The following LSAMP variants were observed in gnomAD, a reference collection of about 807,000 sequenced individuals.
LSAMP encodes the protein limbic system associated membrane protein.
A neutral mutation model predicts 38.6 loss-of-function variants in LSAMP; 7 were observed. The observed-to-expected ratio is 0.18, with a 90% confidence interval of 0.10 to 0.34. The LOEUF (loss-of-function observed/expected upper bound fraction) is 0.34, where lower values mean the gene tolerates loss of function less well. Ranked by LOEUF, LSAMP falls within the 10% of genes least tolerant of loss-of-function variation. LSAMP has a pLI of 1.00. For missense variants in LSAMP, 313 were observed against 420.0 expected (o/e 0.75, Z 2.23); for synonymous variants, 154 against 166.8 (o/e 0.92, Z 0.59).
chr3:116,198,772 G>GAAAA (rs71141858), intron 1 of LSAMP, among the ~76,000 whole-genome samples: 2 of 103,228 alleles, frequency 1.9e-5, no homozygotes. Flanking sequence ...CTCCGTCTCA[G>GAAAA]AAAAAAAAAG....
At chr3:115,888,214 A>T (rs1030510281) in intron 3 of LSAMP, among the ~76,000 whole-genome samples, 2 of 151,998 alleles carry the variant, frequency 1.3e-5, no homozygotes, top group Non-Finnish European at 2.9e-5. Context: ...CTCATAAACC[A>T]TGAAATACCA....
chr3:116,241,126 A>G (rs1290671103), intron 1 of LSAMP, among the ~76,000 whole-genome samples: 1 of 151,754 alleles, frequency 6.6e-6, no homozygotes, highest in African/African-American at 2.4e-5. Flanking sequence ...TTGGTGAGCC[A>G]AGATCGCACC....
intron 3 of LSAMP, among the ~76,000 whole-genome samples, chr3:115,908,778 G>T (rs957233961): frequency 6.6e-6 from 1 of 152,122 alleles, no homozygotes; most frequent in African/African-American, 2.4e-5. Context: ...TAAAGTATAG[G>T]TGTCAGAGAC....
At chr3:116,012,208 G>A (rs1264393450) in intron 3 of LSAMP, among the ~76,000 whole-genome samples, 2 of 152,056 alleles carry the variant, frequency 1.3e-5, no homozygotes, top group African/African-American at 4.8e-5. Flanking sequence ...CAACTCCATG[G>A]TCACTTTGAT....
At position 115,810,077 on chromosome 3, in the gene LSAMP, G is replaced by A; in HGVS notation, c.*240C>T. 1 of 471,092 alleles carries A rather than the reference G, an allele frequency of 2.1e-6. No individual in the cohort carries two copies. Among genetic ancestry groups the A allele is most frequent in the Non-Finnish European group, 3.8e-6 (1 of 263,494 alleles). The allele number at this position is 471,092 out of a possible 1,614,324, so 29.2% of individuals were successfully genotyped here. A position where few individuals can be genotyped will look rare whatever the true frequency, so the allele number is the denominator to read the frequency against. On this transcript the variant is annotated 3_prime_UTR_variant, in exon 7 of 7. Transcript: ENST00000490035. The stretch of plus-strand genomic sequence containing the variant: ...GCTTAGTAGATATAAACATATCCCA[G>A]TAGAACCTTCTCCATCCTGAATGAT...
intron 4 of LSAMP, among the ~76,000 whole-genome samples, chr3:115,851,952 C>A (rs1233435429): frequency 1.3e-5 from 2 of 152,172 alleles, no homozygotes; most frequent in African/African-American, 2.4e-5. Flanking sequence ...TACTTTGGGA[C>A]AAATAGGTAA....
At chr3:116,152,084 G>A (rs913133020) in intron 1 of LSAMP, among the ~76,000 whole-genome samples, 8 of 152,036 alleles carry the variant, frequency 5.3e-5, no homozygotes, top group African/African-American at 1.9e-4. Flanking sequence ...GTACTAAGAT[G>A]GTTTTGTTTC....
chr3:116,267,643 C>T (rs891764104), intron 1 of LSAMP, among the ~76,000 whole-genome samples: 3 of 150,816 alleles, frequency 2.0e-5, no homozygotes, highest in Non-Finnish European at 4.4e-5. Flanking sequence ...ACTGGAGCAG[C>T]CACAACCTCA....
chr3:116,151,308 A>T (rs1709603506), intron 1 of LSAMP, among the ~76,000 whole-genome samples: 1 of 152,040 alleles, frequency 6.6e-6, no homozygotes, highest in Admixed American at 6.6e-5. Context: ...AGTCATGGAA[A>T]GGACATAGTA....
intron 1 of LSAMP, among the ~76,000 whole-genome samples, chr3:116,096,737 CCT>C (rs1204112438): frequency 6.6e-6 from 1 of 152,132 alleles, no homozygotes; most frequent in African/African-American, 2.4e-5. Context: ...TTTGTGATCC[CCT>C]GAGATCTGCT....
chr3:115,983,772 C>T (rs939613589), intron 3 of LSAMP, among the ~76,000 whole-genome samples: 5 of 152,188 alleles, frequency 3.3e-5, no homozygotes, highest in Non-Finnish European at 5.9e-5. Flanking sequence ...ATGATTAACA[C>T]GATATGGCTC....
intron 6 of LSAMP, among the ~76,000 whole-genome samples, chr3:115,831,986 G>C (rs1342908668): frequency 6.6e-6 from 1 of 152,046 alleles, no homozygotes; most frequent in Non-Finnish European, 1.5e-5. Flanking sequence ...AGAAAATCAA[G>C]CAATATGATG....
At chr3:115,903,906 G>A (rs1410185692) in intron 3 of LSAMP, among the ~76,000 whole-genome samples, 1 of 152,092 alleles carries the variant, frequency 6.6e-6, no homozygotes, top group Non-Finnish European at 1.5e-5. Context: ...AAAAAATAAA[G>A]TCTTCCCTCC....
intron 3 of LSAMP, among the ~76,000 whole-genome samples, chr3:115,864,616 T>A (rs2107370354): frequency 6.6e-6 from 1 of 152,270 alleles, no homozygotes; most frequent in Admixed American, 6.5e-5. Flanking sequence ...CTAGCTCAAG[T>A]CTTCTAAACT....
chr3:116,341,438 AG>A (rs759277445), intron 1 of LSAMP, among the ~76,000 whole-genome samples: 8 of 152,016 alleles, frequency 5.3e-5, no homozygotes, highest in Non-Finnish European at 1.2e-4. Context: ...GCAGGTGATA[AG>A]TGAAGATGTA....
intron 3 of LSAMP, among the ~76,000 whole-genome samples, chr3:115,918,112 A>G (rs1202370230): frequency 2.0e-5 from 3 of 152,144 alleles, no homozygotes; most frequent in Non-Finnish European, 2.9e-5. Context: ...CTGATCCTTC[A>G]GGTCACTGGC....
chr3:116,042,390 T>A (rs1006123640), intron 2 of LSAMP, among the ~76,000 whole-genome samples: 1 of 152,032 alleles, frequency 6.6e-6, no homozygotes, highest in Non-Finnish European at 1.5e-5. Context: ...GTCTTAAGAC[T>A]CTGGCAGTAT....
intron 2 of LSAMP, among the ~76,000 whole-genome samples, chr3:116,025,468 C>A (rs568961853): frequency 2.0e-5 from 3 of 151,944 alleles, no homozygotes; most frequent in Admixed American, 6.6e-5. Flanking sequence ...ATCTATTGAT[C>A]GCTCTTTTGT....
chr3:116,135,335 A>G (rs953974149), intron 1 of LSAMP, among the ~76,000 whole-genome samples: 2 of 152,200 alleles, frequency 1.3e-5, no homozygotes, highest in African/African-American at 2.4e-5. Context: ...ACTATGTACA[A>G]GGCATTATCT....
Sources: gnomAD v4.1 joint callset for allele counts (sites outside exome capture counted in the v4.1 genomes callset) on GRCh38, gnomAD v4.1.1 for gene constraint, MANE v1.5 for transcripts, NCBI Gene and HGNC (gene_info 2026-07-23, HGNC 2026-07-21) for gene names.